The following ACTR3C variants were observed in gnomAD, a reference collection of about 807,000 sequenced individuals.
ACTR3C encodes actin related protein 3C.
ACTR3C carries 18 observed loss-of-function variants against 26.3 expected under a neutral mutation model. The observed-to-expected ratio is 0.68, with a 90% CI of 0.47 to 1.01. ACTR3C has a LOEUF of 1.01. ACTR3C is among the 50% of genes least tolerant of loss of function. The pLI is 0.00. For synonymous variants in ACTR3C, 55 were observed against 94.5 expected (o/e 0.58, Z 2.42); for missense variants, 184 against 250.7 (o/e 0.73, Z 1.80).
chr7:150,034,969 C>A, the ACTR3C span, among the ~76,000 whole-genome samples: 4 of 142,752 alleles, frequency 2.8e-5, no homozygotes, highest in Middle Eastern at 4.1e-3. Context: ...TCAGTCCCCA[C>A]TCTCGTGGGG....
chr7:150,015,873 T>C, the ACTR3C span, among the ~76,000 whole-genome samples: 100 of 152,302 alleles, frequency 6.6e-4, no homozygotes, highest in East Asian at 0.019. Context: ...TGGTAGTGTA[T>C]GTCTGTTGTT....
At chr7:150,035,828 T>C in the ACTR3C span, among the ~76,000 whole-genome samples, 514 of 101,598 alleles carry the variant, frequency 5.1e-3, 48 homozygotes, top group Middle Eastern at 0.015. Flanking sequence ...GTCCCTGCCT[T>C]GCGGGGGTTG....
At chr7:149,899,109 G>A in the ACTR3C span, among the ~76,000 whole-genome samples, 1 of 151,216 alleles carries the variant, frequency 6.6e-6, no homozygotes, top group African/African-American at 2.4e-5. Context: ...TCCCCTGCTG[G>A]AGTAGTGTCA....
chr7:150,063,608 CAG>C, the ACTR3C span, among the ~76,000 whole-genome samples: 1 of 151,596 alleles, frequency 6.6e-6, no homozygotes, highest in Non-Finnish European at 1.5e-5. Context: ...ATGTCTGGAT[CAG>C]AGACTCATGG....
chr7:150,029,237 G>A, the ACTR3C span, among the ~76,000 whole-genome samples: 5 of 151,904 alleles, frequency 3.3e-5, no homozygotes, highest in African/African-American at 1.2e-4. Context: ...CTAAGCCATC[G>A]CCAAATTCTG....
the ACTR3C span, among the ~76,000 whole-genome samples, chr7:150,184,485 G>A: frequency 4.0e-5 from 6 of 150,524 alleles, no homozygotes; most frequent in South Asian, 4.1e-4. Flanking sequence ...AACACAGAGC[G>A]GAGAGATGCA....
At chr7:150,112,038 C>T in the ACTR3C span, among the ~76,000 whole-genome samples, 5 of 150,470 alleles carry the variant, frequency 3.3e-5, no homozygotes, top group East Asian at 4.0e-4. Context: ...TTTATTCCTC[C>T]GACTCACTGC....
intron 3 of ACTR3C, among the ~76,000 whole-genome samples, chr7:150,292,985 C>CA (rs2129613167): frequency 6.6e-6 from 1 of 152,330 alleles, no homozygotes; most frequent in Non-Finnish European, 1.5e-5. Flanking sequence ...GTTGATGTTA[C>CA]ACCCACGGGG....
At chr7:149,955,021 T>C in the ACTR3C span, among the ~76,000 whole-genome samples, 1,320 of 152,344 alleles carry the variant, frequency 8.7e-3, 20 homozygotes, top group African/African-American at 0.03. Flanking sequence ...TATACACTAA[T>C]TTCTCTGGTT....
chr7:149,995,619 A>G, the ACTR3C span, among the ~76,000 whole-genome samples: 1 of 152,278 alleles, frequency 6.6e-6, no homozygotes, highest in Non-Finnish European at 1.5e-5. Context: ...AGTGCACAGG[A>G]TGAACAACTG....
At chr7:150,226,783 A>G in the ACTR3C span, among the ~76,000 whole-genome samples, 1 of 152,120 alleles carries the variant, frequency 6.6e-6, no homozygotes, top group African/African-American at 2.4e-5. Flanking sequence ...AATGATGTTC[A>G]GCAAATCTTC....
chr7:150,199,196 G>A, the ACTR3C span, among the ~76,000 whole-genome samples: 4,412 of 140,690 alleles, frequency 0.031, 139 homozygotes, highest in African/African-American at 0.13. Flanking sequence ...TTGAGAAATC[G>A]GATGGTTGCC....
At chr7:150,301,089 C>T (rs2129614258) in intron 1 of ACTR3C, among the ~76,000 whole-genome samples, 1 of 152,202 alleles carries the variant, frequency 6.6e-6, no homozygotes, top group South Asian at 2.1e-4. Context: ...GGGCTGGGCA[C>T]ATAGAAGTAC....
intron 4 of ACTR3C, among the ~76,000 whole-genome samples, chr7:150,288,014 C>T (rs892561590): frequency 8.9e-5 from 13 of 146,648 alleles, no homozygotes; most frequent in Non-Finnish European, 1.6e-4. Flanking sequence ...CAGGCCTGTT[C>T]GCGACCACAG....
the ACTR3C span, among the ~76,000 whole-genome samples, chr7:150,003,751 G>A: frequency 6.6e-6 from 1 of 152,218 alleles, no homozygotes; most frequent in Admixed American, 6.5e-5. Context: ...TGTACAGTGT[G>A]GTGTATGGTG....
chr7:150,134,030 C>T, the ACTR3C span, among the ~76,000 whole-genome samples: 2 of 152,216 alleles, frequency 1.3e-5, no homozygotes, highest in Non-Finnish European at 1.5e-5. Flanking sequence ...GAGCCACCAC[C>T]AAGCCTGGCC....
the ACTR3C span, among the ~76,000 whole-genome samples, chr7:150,103,736 T>C: frequency 6.6e-6 from 1 of 152,002 alleles, no homozygotes; most frequent in Non-Finnish European, 1.5e-5. Flanking sequence ...TTTAGTGATA[T>C]TGCTATGGTT....
chr7:150,106,196 C>A, the ACTR3C span, among the ~76,000 whole-genome samples: 3 of 151,548 alleles, frequency 2.0e-5, no homozygotes, highest in South Asian at 6.3e-4. Flanking sequence ...CCCTGCTAAC[C>A]AGGGCACAAA....
At chr7:150,250,768 C>T (rs1321661632) in intron 6 of ACTR3C, among the ~76,000 whole-genome samples, 1 of 151,732 alleles carries the variant, frequency 6.6e-6, no homozygotes, top group Non-Finnish European at 1.5e-5. Context: ...AAGAAGACTG[C>T]GGGAGAGCAA....
Sources: gnomAD v4.1 joint callset for allele counts (sites outside exome capture counted in the v4.1 genomes callset) on GRCh38, gnomAD v4.1.1 for gene constraint, MANE v1.5 for transcripts, NCBI Gene and HGNC (gene_info 2026-07-23, HGNC 2026-07-21) for gene names.